Variants in RANBP17 observed in about 807,000 individuals in gnomAD.
RANBP17 encodes ran-binding protein 17.
A neutral mutation model predicts 141.2 loss-of-function variants in RANBP17; 158 were observed. The observed-to-expected ratio is 1.12, with a 90% confidence interval of 0.98 to 1.28. The LOEUF (loss-of-function observed/expected upper bound fraction) is 1.28, where lower values mean the gene tolerates loss of function less well. Ranked by LOEUF, RANBP17 falls within the 50% of genes most tolerant of loss-of-function variation. RANBP17 has a pLI of 0.00. For synonymous variants in RANBP17, 430 were observed against 450.0 expected (o/e 0.96, Z 0.56); for missense variants, 1,438 against 1,290.7 (o/e 1.11, Z -1.75).
In RANBP17 at chr5:171,093,495, G is replaced by A. The variant is rs148798043; in HGVS notation, c.1711-76635G>A. On this transcript the variant is annotated intron_variant, in intron 14 of 27. Coordinates refer to ENST00000523189, the MANE Select transcript of RANBP17 (RefSeq NM_022897.5). ...CTACCAGAAAAACAATCAAGAACCC[G>A]TTGTATGTGGTAGCTTATGTAAGAG... Among the ~76,000 whole-genome samples, 79 of 152,238 alleles carry A rather than the reference G, an allele frequency of 5.2e-4. 2 individuals are homozygous for A. In the South Asian group the frequency reaches 0.012, roughly 23 times the overall value.
At chr5:170,925,257 A>T (rs1430072068) in intron 12 of RANBP17, among the ~76,000 whole-genome samples, 1 of 152,132 alleles carries the variant, frequency 6.6e-6, no homozygotes, top group South Asian at 2.1e-4. Context: ...TAACTTAAAA[A>T]AATTTTTAGA....
At chr5:171,018,026 C>T (rs1475077751) in intron 14 of RANBP17, among the ~76,000 whole-genome samples, 1 of 151,872 alleles carries the variant, frequency 6.6e-6, no homozygotes. Context: ...TTCCCCATTG[C>T]TTGTTTTTTT....
chr5:171,137,622 GTGTC>G (rs1561692637), intron 14 of RANBP17, among the ~76,000 whole-genome samples: 50 of 148,704 alleles, frequency 3.4e-4, no homozygotes, highest in East Asian at 1.8e-3. Flanking sequence ...GTGTGTGTGT[GTGTC>G]TGTGTGTGTG....
At chr5:170,949,056 C>T (rs1774998176) in intron 12 of RANBP17, among the ~76,000 whole-genome samples, 1 of 152,042 alleles carries the variant, frequency 6.6e-6, no homozygotes, top group Non-Finnish European at 1.5e-5. Context: ...TCGGGAGGAT[C>T]ACTTTTGCCT....
intron 24 of RANBP17, among the ~76,000 whole-genome samples, chr5:171,250,061 A>G (rs1232957093): frequency 1.3e-5 from 2 of 152,218 alleles, no homozygotes; most frequent in East Asian, 3.8e-4. Context: ...CTAACAGTGG[A>G]TTTCTCAGGA....
chr5:171,212,752 G>A (rs1762981325), intron 20 of RANBP17, among the ~76,000 whole-genome samples: 1 of 152,104 alleles, frequency 6.6e-6, no homozygotes, highest in African/African-American at 2.4e-5. Flanking sequence ...TTGAGGATTG[G>A]GAAAAGAAAA....
At chr5:171,283,176 A>G (rs1207461770) in intron 25 of RANBP17, among the ~76,000 whole-genome samples, 1 of 152,178 alleles carries the variant, frequency 6.6e-6, no homozygotes, top group Non-Finnish European at 1.5e-5. Context: ...TCTGGTTTCT[A>G]AAAGCCCCTT....
At chr5:171,187,669 T>A (rs1195404391) in intron 18 of RANBP17, among the ~76,000 whole-genome samples, 1 of 152,160 alleles carries the variant, frequency 6.6e-6, no homozygotes, top group African/African-American at 2.4e-5. Context: ...ATGGTAAAAA[T>A]TAACTTATTT....
intron 25 of RANBP17, among the ~76,000 whole-genome samples, chr5:171,273,135 G>A (rs1767234260): frequency 6.6e-6 from 1 of 152,164 alleles, no homozygotes. Flanking sequence ...TGATGATAGG[G>A]AAGCACCATG....
chr5:171,285,535 G>A (rs571795469), intron 25 of RANBP17, among the ~76,000 whole-genome samples: 15 of 152,306 alleles, frequency 9.8e-5, no homozygotes, highest in African/African-American at 3.4e-4. Context: ...ATCGAAAAGT[G>A]TTCTGTTTGA....
intron 14 of RANBP17, among the ~76,000 whole-genome samples, chr5:171,087,831 A>G (rs919418009): frequency 1.3e-5 from 2 of 149,930 alleles, no homozygotes; most frequent in African/African-American, 4.9e-5. Context: ...ATCTTCCTCC[A>G]TCCTTTTATT....
chr5:171,256,052 G>A (rs1434127574), intron 24 of RANBP17, among the ~76,000 whole-genome samples: 1 of 152,014 alleles, frequency 6.6e-6, no homozygotes, highest in Non-Finnish European at 1.5e-5. Flanking sequence ...GTAACCATCG[G>A]TATAGGGTTT....
At chr5:171,048,549 G>T (rs543201280) in intron 14 of RANBP17, among the ~76,000 whole-genome samples, 48 of 151,998 alleles carry the variant, frequency 3.2e-4, no homozygotes, top group Non-Finnish European at 5.7e-4. Flanking sequence ...TGTGTCACAT[G>T]GGTTTGGTGT....
intron 14 of RANBP17, among the ~76,000 whole-genome samples, chr5:171,062,443 T>A (rs1023699112): frequency 3.3e-5 from 5 of 152,188 alleles, no homozygotes; most frequent in Non-Finnish European, 7.3e-5. Context: ...GGATATGAAA[T>A]TCTGGGTTGA....
chr5:171,237,846 G>C (rs1446262522), intron 22 of RANBP17, among the ~76,000 whole-genome samples: 1 of 152,104 alleles, frequency 6.6e-6, no homozygotes, highest in Non-Finnish European at 1.5e-5. Flanking sequence ...GGACAAGGAG[G>C]GATATCATAC....
rs772859866 is a variant in RANBP17, at chr5:171,171,229, G to A, written c.1808G>A (p.Gly603Glu). The A allele has an allele frequency of 1.9e-6, 3 of 1,592,362 alleles. No homozygotes were observed. The highest frequency in any genetic ancestry group is 2.3e-5 in the South Asian group (2 of 88,306). Reference protein sequence around the residue: ...TKIVTNLKYWGRYEPVISRTL... With the variant: ...TKIVTNLKYWERYEPVISRTL... ...AGTGTTACAAACCTTAAATACTGGG[G>A]AAGATATGAGCCTGTAATTTCAAGG... Residue 603 changes from glycine to glutamate, a missense_variant, in exon 16 of 28, where the codon GGA (glycine) becomes GAA (glutamate). Gly to Glu is a moderately conservative substitution (Grantham distance 98, BLOSUM62 -2). Transcript: ENST00000523189.
intron 14 of RANBP17, among the ~76,000 whole-genome samples, chr5:171,156,054 C>A (rs886578786): frequency 1.3e-5 from 2 of 152,010 alleles, no homozygotes; most frequent in African/African-American, 4.8e-5. Flanking sequence ...AGCTTACTTT[C>A]ATTAAGATTT....
intron 14 of RANBP17, among the ~76,000 whole-genome samples, chr5:171,047,091 C>A (rs1306641739): frequency 7.4e-6 from 1 of 135,482 alleles, no homozygotes; most frequent in Non-Finnish European, 1.5e-5. Flanking sequence ...AGTCTCAACT[C>A]ACTGCATCCT....
chr5:171,253,187 A>C (rs1343254054), intron 24 of RANBP17, among the ~76,000 whole-genome samples: 1 of 152,216 alleles, frequency 6.6e-6, no homozygotes, highest in Non-Finnish European at 1.5e-5. Flanking sequence ...CTCAGGTATC[A>C]TGCTGTCTGT....
Sources: gnomAD v4.1 joint callset for allele counts (sites outside exome capture counted in the v4.1 genomes callset) on GRCh38, gnomAD v4.1.1 for gene constraint, MANE v1.5 for transcripts, NCBI Gene and HGNC (gene_info 2026-07-23, HGNC 2026-07-21) for gene names.